The following INPP5A variants were observed in gnomAD, a reference collection of about 807,000 sequenced individuals.
INPP5A encodes the protein inositol polyphosphate-5-phosphatase A.
Under a neutral mutation model 65.2 loss-of-function variants are expected in INPP5A, and 14 were observed. That is an observed-to-expected ratio of 0.21 (90% CI 0.14 to 0.34). INPP5A has a LOEUF of 0.34. Among genes scored for constraint, INPP5A ranks in the 10% least tolerant of loss-of-function variants. The probability of loss-of-function intolerance (pLI) is 1.00; values close to 1 mark genes in which losing one functional copy is unlikely to be tolerated. For missense variants in INPP5A, 431 were observed against 545.6 expected (o/e 0.79, Z 2.09); for synonymous variants, 207 against 208.3 (o/e 0.99, Z 0.05).
chr10:132,712,216 T>C (rs774230573), intron 8 of INPP5A, among the ~76,000 whole-genome samples: 2 of 152,148 alleles, frequency 1.3e-5, no homozygotes, highest in South Asian at 2.1e-4. Flanking sequence ...TGTGCGTGTG[T>C]GCATGCCTGA....
At chr10:132,769,544 A>G (rs1846912777) in intron 12 of INPP5A, among the ~76,000 whole-genome samples, 1 of 152,208 alleles carries the variant, frequency 6.6e-6, no homozygotes, top group Non-Finnish European at 1.5e-5. Flanking sequence ...TTAAAGCTCT[A>G]CACGTGTGCT....
At chr10:132,681,084 G>A (rs2073037428) in intron 4 of INPP5A, among the ~76,000 whole-genome samples, 2 of 152,250 alleles carry the variant, frequency 1.3e-5, no homozygotes, top group Non-Finnish European at 1.5e-5. Flanking sequence ...CAGCCCCAGT[G>A]CGGGATCCAC....
At position 132,550,653 on chromosome 10, in the gene INPP5A, C is replaced by T. The variant is rs2071037974; in HGVS notation, c.75+12482C>T. ...GGGCTCGCTGGCCACAGGACGTCCA[C>T]TGTAGGACAGCTGGGAGTGGGGGTG... On this transcript the variant is annotated intron_variant, in intron 1 of 15. Coordinates refer to ENST00000368594, the MANE Select transcript of INPP5A (RefSeq NM_005539.5). This position sits in a 1 kb window ranked among gnomAD's most constrained non-coding sequence, Gnocchi z 4.2. Among the ~76,000 whole-genome samples, 2 of 152,234 alleles carry T rather than the reference C, an allele frequency of 1.3e-5. No individual in the cohort carries two copies. Among genetic ancestry groups the T allele is most frequent in the South Asian group, 4.1e-4 (2 of 4,836 alleles).
chr10:132,538,350 G>C lies in INPP5A; in HGVS notation c.75+179G>C, dbSNP rs112180151. 5.9e-5 allele frequency among the ~76,000 whole-genome samples: 9 copies of C among 152,196 alleles called. No individual in the cohort carries two copies. The highest frequency in any genetic ancestry group is 2.2e-4 in the African/African-American group (9 of 41,512). ...CCTGATTCCCAAGTCTGGGAGCCCA[G>C]ACCCCTGTCTTGATCCCCAAGCCCG... On this transcript the variant is annotated intron_variant, in intron 1 of 15. Coordinates refer to ENST00000368594, the MANE Select transcript of INPP5A (RefSeq NM_005539.5). The surrounding 1 kb of genome is among the most constrained non-coding windows in gnomAD (Gnocchi z 4.1).
chr10:132,698,863 A>G lies in INPP5A; in HGVS notation c.474+944A>G, dbSNP rs1470054596. Among the ~76,000 whole-genome samples, 3 of 152,244 alleles carry G rather than the reference A, an allele frequency of 2.0e-5. No individual in the cohort carries two copies. The East Asian group carries it at 5.8e-4, about 29-fold the overall frequency. The stretch of plus-strand genomic sequence containing the variant: ...GGCTGCTACGGAGCTGACTTCCAGC[A>G]AGGCCACAACTTTATTAACTTGCTT... On this transcript the variant is annotated intron_variant, in intron 6 of 15. Transcript: ENST00000368594. This position sits in a 1 kb window ranked among gnomAD's most constrained non-coding sequence, Gnocchi z 5.5.
chr10:132,716,737 G>C (rs1160497864), intron 8 of INPP5A, among the ~76,000 whole-genome samples: 1 of 152,190 alleles, frequency 6.6e-6, no homozygotes, highest in Non-Finnish European at 1.5e-5. Flanking sequence ...AGTTTTTGTG[G>C]TTTATGGCGG....
rs780990064 is a variant in INPP5A, at chr10:132,781,943, G to T, written c.*2G>T. On this transcript the variant is annotated 3_prime_UTR_variant, in exon 15 of 16. Transcript: ENST00000368594. ...CACAAGTGTTGTGTCGTGCAGTGAC[G>T]TGGTGGTAAATATGACTCCTCCCTC... is the stretch of plus-strand genomic sequence containing the variant. The T allele has an allele frequency of 6.2e-7, 1 of 1,613,628 alleles. No individual in the cohort carries two copies. Among genetic ancestry groups the T allele is most frequent in the South Asian group, 1.1e-5 (1 of 91,084 alleles).
chr10:132,756,223 TGTG>T (rs904566499), intron 11 of INPP5A, among the ~76,000 whole-genome samples: 23 of 151,190 alleles, frequency 1.5e-4, no homozygotes, highest in African/African-American at 5.6e-4. Flanking sequence ...GTGCACTTTG[TGTG>T]GTGTATGTAT....
chr10:132,595,822 T>A (rs1401702557), intron 1 of INPP5A, among the ~76,000 whole-genome samples: 1 of 152,206 alleles, frequency 6.6e-6, no homozygotes, highest in African/African-American at 2.4e-5. Context: ...TGACAGAGCA[T>A]TTTTGCTCTT....
intron 1 of INPP5A, among the ~76,000 whole-genome samples, chr10:132,594,388 C>A (rs914516227): frequency 1.3e-5 from 2 of 151,124 alleles, no homozygotes; most frequent in African/African-American, 4.9e-5. Flanking sequence ...CTGAGACTTC[C>A]TGCGTCGGTG....
In INPP5A at chr10:132,603,821, T is replaced by C. The variant is rs550191800; in HGVS notation, c.76-4094T>C. Among the ~76,000 whole-genome samples the C allele has an allele frequency of 1.3e-5, 2 of 152,306 alleles. No individual in the cohort carries two copies. The highest frequency in any genetic ancestry group is 1.3e-4 in the Admixed American group (2 of 15,306). ...TGCCTCCGTTTTCAGCCCTTGGTTC[T>C]GTACTGTGTGGACATGGTGTGGGTC... On this transcript the variant is annotated intron_variant, in intron 1 of 15. Transcript: ENST00000368594. The surrounding 1 kb of genome is among the most constrained non-coding windows in gnomAD (Gnocchi z 4.2).
intron 2 of INPP5A, among the ~76,000 whole-genome samples, chr10:132,628,213 G>A (rs745703591): frequency 2.6e-5 from 4 of 152,216 alleles, no homozygotes; most frequent in Non-Finnish European, 2.9e-5. Context: ...AGTAAGGGCC[G>A]GCATGGCTGA....
chr10:132,648,349 C>G (rs2072526952), intron 3 of INPP5A, among the ~76,000 whole-genome samples: 6 of 152,276 alleles, frequency 3.9e-5, no homozygotes, highest in Admixed American at 3.9e-4. Context: ...TGTGTGTTTC[C>G]TTCCTCCGCG....
intron 1 of INPP5A, among the ~76,000 whole-genome samples, chr10:132,548,836 A>C (rs1590820619): frequency 8.5e-6 from 1 of 118,212 alleles, no homozygotes; most frequent in Non-Finnish European, 1.6e-5. Context: ...TCTCACTTCC[A>C]CCTAGGCTGG....
chr10:132,660,398 T>C (rs2072720012), intron 4 of INPP5A, among the ~76,000 whole-genome samples: 1 of 152,218 alleles, frequency 6.6e-6, no homozygotes, highest in African/African-American at 2.4e-5. Flanking sequence ...ATAGTGTGCC[T>C]TGCAGAACTC....
At chr10:132,556,384 G>T (rs1008410947) in intron 1 of INPP5A, among the ~76,000 whole-genome samples, 4 of 152,210 alleles carry the variant, frequency 2.6e-5, no homozygotes, top group Admixed American at 2.6e-4. Context: ...CCTCCACGGG[G>T]ACCAGGGCCA....
rs1276077522 is a variant in INPP5A, at chr10:132,616,964, C to G, written c.117+9008C>G. Among the ~76,000 whole-genome samples, 1 of 152,120 alleles carries G rather than the reference C, an allele frequency of 6.6e-6. No homozygotes were observed. The highest frequency in any genetic ancestry group is 1.5e-5 in the Non-Finnish European group (1 of 67,998). The stretch of plus-strand genomic sequence containing the variant: ...TGGTGGGGAGAGGCCGCCTGAGGTC[C>G]TTCGAAGCAGCCTGGGTCTGTCTGC... On this transcript the variant is annotated intron_variant, in intron 2 of 15. Transcript: ENST00000368594. This position sits in a 1 kb window ranked among gnomAD's most constrained non-coding sequence, Gnocchi z 4.9.
Position 132,697,722 on chromosome 10 carries a change from C to A in INPP5A, c.371-94C>A. The A allele has an allele frequency of 1.2e-6, 1 of 851,910 alleles. No individual in the cohort carries two copies. Among genetic ancestry groups the A allele is most frequent in the Non-Finnish European group, 1.9e-6 (1 of 517,810 alleles). The allele number at this position is 851,910 out of a possible 1,614,324, so 52.8% of individuals were successfully genotyped here. A position where few individuals can be genotyped will look rare whatever the true frequency, so the allele number is the denominator to read the frequency against. The stretch of plus-strand genomic sequence containing the variant: ...CTCGGGGGGCCTCTCTGGCTCCCAT[C>A]GGGCTGAAGTCGGGTGGAAACAGGT... On this transcript the variant is annotated intron_variant, in intron 5 of 15. Coordinates refer to ENST00000368594, the MANE Select transcript of INPP5A (RefSeq NM_005539.5). The surrounding 1 kb of genome is among the most constrained non-coding windows in gnomAD (Gnocchi z 5.6).
At chr10:132,634,875 G>GCTTT (rs1437626365) in intron 2 of INPP5A, among the ~76,000 whole-genome samples, 3 of 152,246 alleles carry the variant, frequency 2.0e-5, no homozygotes, top group African/African-American at 7.2e-5. Flanking sequence ...TGTGGTGTGT[G>GCTTT]CTTTCCTGTT....
Sources: gnomAD v4.1 joint callset for allele counts (sites outside exome capture counted in the v4.1 genomes callset) on GRCh38, gnomAD v4.1.1 for gene constraint, Gnocchi (gnomAD v3.1) non-coding constraint, MANE v1.5 for transcripts, NCBI Gene and HGNC (gene_info 2026-07-23, HGNC 2026-07-21) for gene names.